Variants in LRRFIP1 observed in about 807,000 individuals in gnomAD.
LRRFIP1 encodes leucine-rich repeat flightless-interacting protein 1.
Under a neutral mutation model 104.4 loss-of-function variants are expected in LRRFIP1, and 62 were observed. That is an observed-to-expected ratio of 0.59 (90% CI 0.48 to 0.73). LRRFIP1 has a LOEUF of 0.73. Among genes scored for constraint, LRRFIP1 ranks in the 30% least tolerant of loss-of-function variants. LRRFIP1 has a pLI of 0.00. For missense variants in LRRFIP1, 796 were observed against 824.5 expected (o/e 0.97, Z 0.42); for synonymous variants, 300 against 299.0 (o/e 1.00, Z -0.03).
At chr2:237,768,733 A>G (rs993897561) in intron 19 of LRRFIP1, 8 of 152,232 alleles carry the variant, frequency 5.3e-5, no homozygotes, top group African/African-American at 1.7e-4. Flanking sequence ...TCTTTGGAAA[A>G]CATAATTAGA....
chr2:237,734,144 T>C (rs2095143267), intron 9 of LRRFIP1, among the ~76,000 whole-genome samples: 1 of 152,256 alleles, frequency 6.6e-6, no homozygotes. Context: ...AATGCTTTGG[T>C]AACCTGGACA....
intron 7 of LRRFIP1, among the ~76,000 whole-genome samples, chr2:237,725,384 C>T (rs747620480): frequency 1.3e-5 from 2 of 152,226 alleles, no homozygotes; most frequent in Non-Finnish European, 2.9e-5. Flanking sequence ...TGTTGAACAT[C>T]AGAGACCCAA....
intron 1 of LRRFIP1, among the ~76,000 whole-genome samples, chr2:237,699,705 C>T (rs1017572380): frequency 6.6e-6 from 1 of 152,226 alleles, no homozygotes; most frequent in Non-Finnish European, 1.5e-5. Context: ...TTCTTCCCAT[C>T]GCAGGCGTGT....
At position 237,772,886 on chromosome 2, in the gene LRRFIP1, A is replaced by T; in HGVS notation, c.1648A>T (p.Ser550Cys). 6.2e-7 allele frequency: 1 copy of T among 1,613,838 alleles called. No homozygotes were observed. The highest frequency in any genetic ancestry group is 8.5e-7 in the Non-Finnish European group (1 of 1,179,696). ...TTTAGGGGATGCCAACAGACAGATCAGCGACCTCAAATTTAAACTTGCAAA... is the reference window on the plus strand; with the variant it reads ...TTTAGGGGATGCCAACAGACAGATCTGCGACCTCAAATTTAAACTTGCAAA... Reference protein sequence around the residue: ...DLQRDANRQISDLKFKLAKSE... With the variant: ...DLQRDANRQICDLKFKLAKSE... Residue 550 changes from serine (S) to cysteine (C), a missense_variant, in exon 22 of 24, where the codon AGC becomes TGC. Coordinates refer to ENST00000308482, the MANE Select transcript of LRRFIP1 (RefSeq NM_001137550.2).
intron 1 of LRRFIP1, among the ~76,000 whole-genome samples, chr2:237,682,892 G>A (rs542931585): frequency 2.2e-4 from 33 of 152,364 alleles, no homozygotes; most frequent in African/African-American, 6.5e-4. Flanking sequence ...CCATCCAGCT[G>A]TATAAGCTGA....
intron 1 of LRRFIP1, among the ~76,000 whole-genome samples, chr2:237,695,764 T>G (rs965749577): frequency 6.6e-5 from 10 of 152,302 alleles, no homozygotes; most frequent in Non-Finnish European, 1.0e-4. Context: ...TTTGTTTTTT[T>G]TTTTTAAATA....
At chr2:237,763,969 G>A (rs2060105369) in intron 19 of LRRFIP1, 2 of 1,614,112 alleles carry the variant, frequency 1.2e-6, no homozygotes, top group African/African-American at 2.7e-5. Flanking sequence ...GGTGTGAGAT[G>A]TCAGAACATC....
At position 237,668,782 on chromosome 2, in the gene LRRFIP1, T is replaced by G. The variant is rs190740790; in HGVS notation, c.97-39762T>G. On this transcript the variant is annotated intron_variant, in intron 1 of 23. Transcript: ENST00000308482. The stretch of plus-strand genomic sequence containing the variant: ...AAGAAATCAGCAACAAGGGTAATTG[T>G]TGCTGAAAGAAAATATTTATTATAT... Among the ~76,000 whole-genome samples the G allele has an allele frequency of 5.8e-3, 888 of 152,342 alleles. 8 individuals carry two copies. Among genetic ancestry groups the G allele is most frequent in the East Asian group, 0.049 (254 of 5,188 alleles).
rs751373102 is a variant in LRRFIP1 at position 237,748,412 on chromosome 2, T to A, written c.669+13T>A. 3 of 1,598,642 alleles carry A rather than the reference T, an allele frequency of 1.9e-6. No homozygotes were observed. The South Asian group carries it at 3.4e-5, about 18-fold the overall frequency. On this transcript the variant is annotated intron_variant, in intron 12 of 23. Coordinates refer to ENST00000308482, the MANE Select transcript of LRRFIP1 (RefSeq NM_001137550.2). ...TTTTACTGAGAAGGTAAGGAATCGTTCATAAACCTAGAGGGTCCCAAAAGT... is the reference window on the plus strand; with the variant it reads ...TTTTACTGAGAAGGTAAGGAATCGTACATAAACCTAGAGGGTCCCAAAAGT...
chr2:237,712,519 A>AT (rs1273557680), intron 2 of LRRFIP1, among the ~76,000 whole-genome samples: 2 of 152,216 alleles, frequency 1.3e-5, no homozygotes, highest in African/African-American at 4.8e-5. Flanking sequence ...TTTTCTTAGA[A>AT]TTTTCTATAA....
Position 237,769,973 on chromosome 2 carries a change from G to A in LRRFIP1, c.1490G>A (p.Arg497Gln), listed in dbSNP as rs147429046. 3.1e-3 allele frequency: 4,903 copies of A among 1,604,900 alleles called. 15 individuals carry two copies. The highest frequency in any genetic ancestry group is 3.9e-3 in the Non-Finnish European group (4,576 of 1,175,114). The change falls in exon 20 of 24, where the codon CGG (arginine) becomes CAG (glutamine). Residue 497 changes from arginine (R) to glutamine (Q), a missense_variant. By Grantham distance (43) the Arg-to-Gln change is conservative. Transcript: ENST00000308482. ...DIRLKKLVDERECLLEQIKKL... is the reference protein window; with the variant it reads ...DIRLKKLVDEQECLLEQIKKL... ...AGGTTGAAAAAGCTGGTTGATGAAC[G>A]GGAATGCTTATTGGAACAGGTAACA...
intron 1 of LRRFIP1, among the ~76,000 whole-genome samples, chr2:237,662,967 C>T (rs555952961): frequency 1.3e-5 from 2 of 152,312 alleles, no homozygotes; most frequent in Non-Finnish European, 2.9e-5. Flanking sequence ...AATCTGCATG[C>T]AATTACAAGT....
intron 1 of LRRFIP1, among the ~76,000 whole-genome samples, chr2:237,700,073 C>T (rs983320639): frequency 1.3e-5 from 2 of 152,316 alleles, no homozygotes; most frequent in African/African-American, 2.4e-5. Flanking sequence ...AGCCTTGTGC[C>T]GTCCGTTCTT....
chr2:237,756,073 G>A, intron 15 of LRRFIP1, 22 bp from the exon 16 acceptor site: 2 of 1,557,206 alleles, frequency 1.3e-6, no homozygotes, highest in Non-Finnish European at 1.8e-6. Flanking sequence ...CACTGCTTTA[G>A]TGCTGTTTTT....
intron 1 of LRRFIP1, among the ~76,000 whole-genome samples, chr2:237,696,087 C>T (rs1575561313): frequency 6.6e-6 from 1 of 152,314 alleles, no homozygotes; most frequent in South Asian, 2.1e-4. Flanking sequence ...TGTAACTTTA[C>T]AACTTTAAAA....
intron 1 of LRRFIP1, among the ~76,000 whole-genome samples, chr2:237,699,163 T>G (rs2093364290): frequency 6.6e-6 from 1 of 152,162 alleles, no homozygotes; most frequent in Non-Finnish European, 1.5e-5. Context: ...TTCTACAAAG[T>G]TGACTAACTC....
chr2:237,778,991 A>G (rs1317108340), intron 23 of LRRFIP1, among the ~76,000 whole-genome samples: 1 of 152,136 alleles, frequency 6.6e-6, no homozygotes, highest in African/African-American at 2.4e-5. Context: ...TGGGAGGCCA[A>G]GGCGGACAGA....
chr2:237,717,926 A>T lies in LRRFIP1; in HGVS notation c.249+117A>T. 1 of 844,088 alleles carries T rather than the reference A, an allele frequency of 1.2e-6. No individual in the cohort carries two copies. The allele number at this position is 844,088 out of a possible 1,614,324, so 52.3% of individuals were successfully genotyped here. A position where few individuals can be genotyped will look rare whatever the true frequency, so the allele number is the denominator to read the frequency against. On this transcript the variant is annotated intron_variant, in intron 4 of 23. Transcript: ENST00000308482. This position sits in a 1 kb window ranked among gnomAD's most constrained non-coding sequence, Gnocchi z 4.2. The stretch of plus-strand genomic sequence containing the variant: ...AGTTTAACTATGTAGATAGATTCCT[A>T]TTGCACCATAATTTAATACTGAGAG...
At chr2:237,697,017 C>T (rs991110925) in intron 1 of LRRFIP1, among the ~76,000 whole-genome samples, 1 of 152,134 alleles carries the variant, frequency 6.6e-6, no homozygotes, top group African/African-American at 2.4e-5. Flanking sequence ...AAAGAACGAA[C>T]TTACTTTCCT....
Sources: allele counts gnomAD v4.1 joint callset (sites outside exome capture counted in the v4.1 genomes callset), GRCh38; gene constraint gnomAD v4.1.1; non-coding constraint Gnocchi (gnomAD v3.1); transcripts MANE v1.5; gene names NCBI Gene and HGNC (gene_info 2026-07-23, HGNC 2026-07-21).